The following SPACA6 variants were observed in gnomAD, a reference collection of about 807,000 sequenced individuals.
The protein encoded by SPACA6 is sperm acrosome associated 6, also known as sperm acrosome membrane-associated protein 6.
For missense variants in SPACA6, 8 were observed against 2.8 expected, an observed-to-expected ratio of 2.88 and a Z score of -1.34; for synonymous variants, 6 against 1.5, an observed-to-expected ratio of 4.05 and a Z score of -2.21.
chr19:51,701,076 G>C (rs558679272), intron 2 of SPACA6, among the ~76,000 whole-genome samples: 3 of 152,068 alleles, frequency 2.0e-5, no homozygotes, highest in African/African-American at 7.2e-5. Flanking sequence ...ACAAAAATTA[G>C]CCAGGCGTGG....
Position 51,703,400 on chromosome 19 carries a change from G to A in SPACA6, c.573+63G>A. 1 of 398,986 alleles carries A rather than the reference G, an allele frequency of 2.5e-6. No homozygotes were observed. 24.7% of individuals were successfully genotyped at this position (398,986 alleles called of 1,614,324 possible). A position where few individuals can be genotyped will look rare whatever the true frequency, so the allele number is the denominator to read the frequency against. ...GGCGAGTTAGCCTTCACTAGAGGTT[G>A]GGGAGTCAGCTTGCGGGGACGGGAC... On this transcript the variant is annotated intron_variant, in intron 6 of 8. Transcript: ENST00000637797. The surrounding 1 kb of genome is among the most constrained non-coding windows in gnomAD (Gnocchi z 4.2).
At chr19:51,693,964 A>C in intron 1 of SPACA6, 1 of 366,036 alleles carries the variant, frequency 2.7e-6, no homozygotes, top group East Asian at 3.9e-5. Flanking sequence ...AGAGAGGGGA[A>C]GATGGAGACT....
downstream of SPACA6, among the ~76,000 whole-genome samples, chr19:51,707,696 A>G (rs899402729): frequency 1.3e-5 from 2 of 152,168 alleles, no homozygotes; most frequent in African/African-American, 4.8e-5. Context: ...AGGTTTTAAG[A>G]GCTCAGGCCC....
the SPACA6 span, among the ~76,000 whole-genome samples, chr19:51,683,418 T>C: frequency 6.6e-6 from 1 of 152,208 alleles, no homozygotes; most frequent in South Asian, 2.1e-4. Context: ...AACTTTAACA[T>C]ATATATTTGG....
chr19:51,691,370 T>G (rs1600131285), upstream of SPACA6, among the ~76,000 whole-genome samples: 3 of 129,778 alleles, frequency 2.3e-5, no homozygotes, highest in African/African-American at 6.0e-5. Flanking sequence ...GGAGAGGAAG[T>G]GAGGAAAGAC....
At chr19:51,708,688 A>G (rs1457545252), downstream of SPACA6, among the ~76,000 whole-genome samples, 1 of 152,038 alleles carries the variant, frequency 6.6e-6, no homozygotes, top group African/African-American at 2.4e-5. Context: ...TTAGCCTGGC[A>G]TGGTAGCACA....
chr19:51,708,873 C>A (rs1442971703), downstream of SPACA6, among the ~76,000 whole-genome samples: 1 of 150,034 alleles, frequency 6.7e-6, no homozygotes, highest in Non-Finnish European at 1.5e-5. Context: ...AAAAAAAAAA[C>A]TGTTCCAGGC....
In SPACA6 at chr19:51,703,777, G is replaced by T. The variant is rs1178034143; in HGVS notation, c.574-253G>T. Among the ~76,000 whole-genome samples the T allele has an allele frequency of 6.6e-6, 1 of 151,994 alleles. No individual in the cohort carries two copies. The highest frequency in any genetic ancestry group is 1.5e-5 in the Non-Finnish European group (1 of 67,982). Reference sequence around the variant, plus strand: ...CGCGCCACTGCACTGCAGCCTGGGCGCCAGAACGAGACCCTGTCTGGAAGA... The same window carrying T: ...CGCGCCACTGCACTGCAGCCTGGGCTCCAGAACGAGACCCTGTCTGGAAGA... On this transcript the variant is annotated intron_variant, in intron 6 of 8. Coordinates refer to ENST00000637797, the MANE Select transcript of SPACA6 (RefSeq NM_001316972.2). This position sits in a 1 kb window ranked among gnomAD's most constrained non-coding sequence, Gnocchi z 4.2.
upstream of SPACA6, chr19:51,685,466 A>G (rs2083324195): frequency 6.6e-6 from 1 of 152,200 alleles, no homozygotes; most frequent in Non-Finnish European, 1.5e-5. Context: ...ATTTGTTTTC[A>G]TTTCATTTAT....
upstream of SPACA6, among the ~76,000 whole-genome samples, chr19:51,689,848 G>A (rs1253837807): frequency 5.9e-5 from 9 of 151,984 alleles, no homozygotes; most frequent in African/African-American, 1.9e-4. Context: ...GTAGGATCGT[G>A]GCTGGAAGAG....
downstream of SPACA6, among the ~76,000 whole-genome samples, chr19:51,706,754 G>A (rs1392101668): frequency 6.6e-6 from 1 of 152,078 alleles, no homozygotes; most frequent in Non-Finnish European, 1.5e-5. Context: ...CCACCTCCCG[G>A]GTTCAAGCGA....
upstream of SPACA6, among the ~76,000 whole-genome samples, chr19:51,684,217 A>G (rs918903869): frequency 2.0e-5 from 3 of 152,158 alleles, no homozygotes; most frequent in Admixed American, 6.5e-5. Flanking sequence ...GAGATGATCT[A>G]TTATCAGAGG....
chr19:51,702,814 CAGA>C (rs2083479749), intron 4 of SPACA6, 162 bp downstream of exon 4: 4 of 398,552 alleles, frequency 1.0e-5, no homozygotes, highest in Admixed American at 4.4e-5. Context: ...TCTAAATCCT[CAGA>C]AGGTGTGTGT....
chr19:51,687,417 T>C (rs1885708957), upstream of SPACA6: 1 of 150,484 alleles, frequency 6.6e-6, no homozygotes, highest in Non-Finnish European at 1.5e-5. Context: ...TACAATGGAA[T>C]ATTATATCAC....
intron 2 of SPACA6, among the ~76,000 whole-genome samples, chr19:51,700,014 G>A (rs1430722068): frequency 6.6e-6 from 1 of 152,194 alleles, no homozygotes; most frequent in African/African-American, 2.4e-5. Context: ...AGCACTTTGG[G>A]AGGCCGAGGC....
At chr19:51,690,382 C>T (rs2083359798), upstream of SPACA6, among the ~76,000 whole-genome samples, 1 of 152,122 alleles carries the variant, frequency 6.6e-6, no homozygotes, top group Admixed American at 6.5e-5. Context: ...CTCTAGAACC[C>T]AAGCGTTCAG....
At chr19:51,693,041 T>C (rs895680094), upstream of SPACA6, 2 of 363,716 alleles carry the variant, frequency 5.5e-6, no homozygotes, top group Non-Finnish European at 1.1e-5. Flanking sequence ...TCTCCATCTC[T>C]GCTGTGTCTC....
chr19:51,696,731 G>C (rs2083433637), intron 2 of SPACA6, among the ~76,000 whole-genome samples: 1 of 152,152 alleles, frequency 6.6e-6, no homozygotes, highest in Admixed American at 6.5e-5. Context: ...TTACAGGCAT[G>C]AACTACCGTA....
downstream of SPACA6, among the ~76,000 whole-genome samples, chr19:51,709,531 C>CAAAA (rs56170768): frequency 0.25 from 13,637 of 54,212 alleles, 1,640 homozygotes; most frequent in South Asian, 0.35. Flanking sequence ...AAAAAAAAGG[C>CAAAA]AAAAAAAAAA....
Sources: allele counts gnomAD v4.1 joint callset (sites outside exome capture counted in the v4.1 genomes callset), GRCh38; gene constraint gnomAD v4.1.1; non-coding constraint Gnocchi (gnomAD v3.1); transcripts MANE v1.5; gene names NCBI Gene and HGNC (gene_info 2026-07-23, HGNC 2026-07-21).